TAF4B: variants seen among roughly 807,000 people sequenced by gnomAD.
TAF4B encodes transcription initiation factor TFIID subunit 4B.
In TAF4B, 38 loss-of-function variants were observed where a neutral mutation model predicts 86.4. The observed-to-expected ratio is 0.44, with a 90% CI of 0.34 to 0.58. The LOEUF (loss-of-function observed/expected upper bound fraction) is 0.58, where lower values mean the gene tolerates loss of function less well. TAF4B is among the 20% of genes least tolerant of loss of function. The pLI, the probability that TAF4B is intolerant of heterozygous loss-of-function variation, is 0.02. For synonymous variants in TAF4B, 388 were observed against 391.2 expected, an observed-to-expected ratio of 0.99 and a Z score of 0.10; for missense variants, 988 against 1,027.6, an observed-to-expected ratio of 0.96 and a Z score of 0.53.
chr18:26,372,900 C>T (rs1312192878), intron 14 of TAF4B, among the ~76,000 whole-genome samples: 1 of 147,670 alleles, frequency 6.8e-6, no homozygotes, highest in Non-Finnish European at 1.5e-5. Context: ...ACTTGGGAGG[C>T]GGAGCTTGCA....
chr18:26,308,797 G>A (rs1394929855), intron 9 of TAF4B, among the ~76,000 whole-genome samples: 1 of 151,252 alleles, frequency 6.6e-6, no homozygotes, highest in African/African-American at 2.4e-5. Context: ...GCTGGAACCT[G>A]GGAGGCGGAG....
At chr18:26,308,851 G>A (rs1266494270) in intron 9 of TAF4B, among the ~76,000 whole-genome samples, 1 of 131,670 alleles carries the variant, frequency 7.6e-6, no homozygotes, top group Non-Finnish European at 1.5e-5. Context: ...CAACCTGGCA[G>A]CCTGGGCAAC....
intron 1 of TAF4B, chr18:26,255,751 C>T (rs965383727): frequency 2.6e-5 from 41 of 1,588,454 alleles, no homozygotes; most frequent in Admixed American, 1.0e-4. Context: ...TCTGGCTTCT[C>T]GGCAGCTGCT....
intron 14 of TAF4B, among the ~76,000 whole-genome samples, chr18:26,373,145 T>G (rs1259935165): frequency 6.6e-6 from 1 of 152,082 alleles, no homozygotes; most frequent in Non-Finnish European, 1.5e-5. Flanking sequence ...TCAGCCCCTC[T>G]CCCTTCACAG....
chr18:26,299,914 C>T (rs2144630600), intron 9 of TAF4B, among the ~76,000 whole-genome samples: 1 of 152,168 alleles, frequency 6.6e-6, no homozygotes, highest in South Asian at 2.1e-4. Flanking sequence ...CTTTTTCAGG[C>T]ATGAAATTAA....
In TAF4B at chr18:26,358,662, A is replaced by G. The variant is rs375885976; in HGVS notation, c.2421+868A>G. Among the ~76,000 whole-genome samples the G allele has an allele frequency of 2.6e-5, 4 of 152,180 alleles. No individual in the cohort carries two copies. The East Asian group carries it at 7.7e-4, about 29-fold the overall frequency. ...AAGGCGGAGGTTACAGTTTGCCAAG[A>G]TCGCGCCACTGCACTCCAGCCTGGG... On this transcript the variant is annotated intron_variant, in intron 14 of 14. Coordinates refer to ENST00000269142, the MANE Select transcript of TAF4B (RefSeq NM_005640.3).
At chr18:26,339,428 C>T (rs1386976259) in intron 13 of TAF4B, among the ~76,000 whole-genome samples, 15 of 152,110 alleles carry the variant, frequency 9.9e-5, no homozygotes, top group Admixed American at 9.2e-4. Context: ...TGGGCTCAAG[C>T]GCTCCTCCTA....
chr18:26,281,359 C>T lies in TAF4B; in HGVS notation c.883-612C>T, dbSNP rs148879332. Among the ~76,000 whole-genome samples, 341 of 152,016 alleles carry T rather than the reference C, an allele frequency of 2.2e-3. 2 individuals carry two copies. Among genetic ancestry groups the T allele is most frequent in the African/African-American group, 7.5e-3 (312 of 41,456 alleles). On this transcript the variant is annotated intron_variant, in intron 5 of 14. Coordinates refer to ENST00000269142, the MANE Select transcript of TAF4B (RefSeq NM_005640.3). ...GAAAAAACCAGATGTTCTCTGTCACCGCACAATTATAATCTTTATTAAGTA... is the reference window on the plus strand; with the variant it reads ...GAAAAAACCAGATGTTCTCTGTCACTGCACAATTATAATCTTTATTAAGTA...
chr18:26,353,186 A>T (rs1277927359), intron 13 of TAF4B, among the ~76,000 whole-genome samples: 1 of 152,244 alleles, frequency 6.6e-6, no homozygotes, highest in Admixed American at 6.5e-5. Context: ...AAATGTTAGC[A>T]AATCAAATCT....
At position 26,226,775 on chromosome 18, in the gene TAF4B, CG is replaced by C; in HGVS notation, c.-156del. ...GGGACGCGCGTGTCCTGCCGTGCAG[CG>C]GGCGCCCGTCACTGACTTCGCTGCT... On this transcript the variant is annotated 5_prime_UTR_variant, in exon 1 of 15. Transcript: ENST00000269142. 1.9e-6 allele frequency: 1 copy of C among 524,108 alleles called. No individual in the cohort carries two copies. Among genetic ancestry groups the C allele is most frequent in the Non-Finnish European group, 3.1e-6 (1 of 323,824 alleles). The allele number at this position is 524,108 out of a possible 1,614,324, so 32.5% of individuals were successfully genotyped here.
intron 9 of TAF4B, among the ~76,000 whole-genome samples, chr18:26,301,630 G>A (rs1194330435): frequency 1.3e-5 from 2 of 152,076 alleles, no homozygotes; most frequent in African/African-American, 2.4e-5. Context: ...TGTTTCCAAT[G>A]TCCGGGTTAC....
At chr18:26,380,600 A>G (rs2057471556) in intron 14 of TAF4B, among the ~76,000 whole-genome samples, 1 of 152,098 alleles carries the variant, frequency 6.6e-6, no homozygotes, top group African/African-American at 2.4e-5. Context: ...CCTTTCTAGT[A>G]ATATTCCTTG....
At position 26,340,758 on chromosome 18, in the gene TAF4B, G is replaced by A. The variant is rs952599432; in HGVS notation, c.2316+5527G>A. Among the ~76,000 whole-genome samples the A allele has an allele frequency of 3.3e-5, 5 of 152,082 alleles. No homozygotes were observed. In the South Asian group the frequency reaches 1.0e-3, roughly 32 times the overall value. On this transcript the variant is annotated intron_variant, in intron 13 of 14. Coordinates refer to ENST00000269142, the MANE Select transcript of TAF4B (RefSeq NM_005640.3). ...ATCATTGATCTAGGATGAGAAAGAA[G>A]GGGGGCTTTAAAAGTCATCACTTTT...
Position 26,390,765 on chromosome 18 carries a change from TG to T in TAF4B, c.*755del. 1 of 152,112 alleles carries T rather than the reference TG, an allele frequency of 6.6e-6. No homozygotes were observed. The highest frequency in any genetic ancestry group is 1.9e-4 in the East Asian group (1 of 5,170). The allele number at this position is 152,112 out of a possible 1,614,324, so 9.4% of individuals were successfully genotyped here. Reference sequence around the variant, plus strand: ...CAAACTGATGAGGGGAATGTGAAAATGGTATCATAAAACAGGAAATGTGCTT... The same window carrying T: ...CAAACTGATGAGGGGAATGTGAAAATGTATCATAAAACAGGAAATGTGCTT... On this transcript the variant is annotated 3_prime_UTR_variant, in exon 15 of 15. Transcript: ENST00000269142.
chr18:26,357,711 C>G lies in TAF4B; in HGVS notation c.2338C>G (p.Gln780Glu). Reference protein sequence around the residue: ...AKELQQLELAQIQHRDANLTA... With the variant: ...AKELQQLELAEIQHRDANLTA... ...CTAGTTACAGCAATTGGAACTTGCACAGATACAGCATAGAGACGCTAATCT... is the reference window on the plus strand; with the variant it reads ...CTAGTTACAGCAATTGGAACTTGCAGAGATACAGCATAGAGACGCTAATCT... Residue 780 changes from glutamine to glutamate, a missense_variant, in exon 14 of 15, where the codon CAG becomes GAG. This residue lies in a region of TAF4B where 216 missense variants were observed against 238.4 expected (regional missense o/e 0.91). Coordinates refer to ENST00000269142, the MANE Select transcript of TAF4B (RefSeq NM_005640.3). The G allele has an allele frequency of 6.2e-7, 1 of 1,610,750 alleles. No individual in the cohort carries two copies. The highest frequency in any genetic ancestry group is 8.5e-7 in the Non-Finnish European group (1 of 1,178,434).
intron 7 of TAF4B, among the ~76,000 whole-genome samples, chr18:26,289,681 G>A (rs767774073): frequency 6.6e-6 from 1 of 152,148 alleles, no homozygotes; most frequent in Non-Finnish European, 1.5e-5. Flanking sequence ...TAGAGACGGG[G>A]TTTCGCTGTG....
At chr18:26,273,251 T>C (rs893127800) in intron 3 of TAF4B, among the ~76,000 whole-genome samples, 2 of 152,228 alleles carry the variant, frequency 1.3e-5, no homozygotes, top group Admixed American at 6.5e-5. Flanking sequence ...AATTTGTCTA[T>C]TCTAGTTTCT....
Position 26,226,617 on chromosome 18 carries a change from C to T in TAF4B, c.-317C>T, listed in dbSNP as rs766016627. On this transcript the variant is annotated 5_prime_UTR_variant, in exon 1 of 15. Transcript: ENST00000269142. ...TCCGGGAGCCGCAAGTCCAGGCTCC[C>T]CCGCAGCGGGACCCGAGCCTGAGGC... 3.9e-6 allele frequency: 1 copy of T among 254,628 alleles called. No homozygotes were observed. The highest frequency in any genetic ancestry group is 7.4e-6 in the Non-Finnish European group (1 of 134,690). The allele number at this position is 254,628 out of a possible 1,614,324, so 15.8% of individuals were successfully genotyped here.
At chr18:26,301,599 T>C (rs1327203308) in intron 9 of TAF4B, among the ~76,000 whole-genome samples, 1 of 152,198 alleles carries the variant, frequency 6.6e-6, no homozygotes, top group Non-Finnish European at 1.5e-5. Context: ...CTGCCATTTG[T>C]GGTTAAAGTC....
Sources: allele counts gnomAD v4.1 joint callset (sites outside exome capture counted in the v4.1 genomes callset), GRCh38; gene constraint gnomAD v4.1.1; regional missense constraint gnomAD v4.1.1; transcripts MANE v1.5; gene names NCBI Gene and HGNC (gene_info 2026-07-23, HGNC 2026-07-21).